The following GPR39 variants were observed in gnomAD, a reference collection of about 807,000 sequenced individuals.
GPR39 encodes zinc sensing receptor.
Under a neutral mutation model 18.4 loss-of-function variants are expected in GPR39, and 23 were observed. That is an observed-to-expected ratio of 1.25 (90% CI 0.90 to 1.77). The LOEUF is 1.77. GPR39 is among the 40% of genes most tolerant of loss of function. GPR39 has a pLI of 0.00. For synonymous variants in GPR39, 280 were observed against 257.9 expected, an observed-to-expected ratio of 1.09 and a Z score of -0.82; for missense variants, 647 against 602.4, an observed-to-expected ratio of 1.07 and a Z score of -0.78.
intron 1 of GPR39, among the ~76,000 whole-genome samples, chr2:132,638,452 G>A (rs567665457): frequency 6.6e-6 from 1 of 152,330 alleles, no homozygotes; most frequent in Admixed American, 6.5e-5. Context: ...CACCCTCAGA[G>A]TCTCTGATTC....
chr2:132,493,905 G>A (rs565348511), intron 1 of GPR39, among the ~76,000 whole-genome samples: 1 of 152,070 alleles, frequency 6.6e-6, no homozygotes, highest in South Asian at 2.1e-4. Context: ...AGAGAAGGTG[G>A]GAATTCCAAG....
At chr2:132,425,046 C>T (rs568121669) in intron 1 of GPR39, among the ~76,000 whole-genome samples, 1 of 152,320 alleles carries the variant, frequency 6.6e-6, no homozygotes, top group South Asian at 2.1e-4. Context: ...CAGTAGCTCT[C>T]ACCTGTCATC....
intron 1 of GPR39, among the ~76,000 whole-genome samples, chr2:132,422,526 T>C (rs985214282): frequency 6.6e-6 from 1 of 151,380 alleles, no homozygotes; most frequent in African/African-American, 2.5e-5. Flanking sequence ...CAATCATGTT[T>C]TCATCATTAG....
chr2:132,429,825 T>A (rs1313541901), intron 1 of GPR39, among the ~76,000 whole-genome samples: 1 of 152,252 alleles, frequency 6.6e-6, no homozygotes, highest in East Asian at 1.9e-4. Flanking sequence ...GAAACTGGAA[T>A]GGGCTCTGCT....
intron 1 of GPR39, among the ~76,000 whole-genome samples, chr2:132,428,716 T>C (rs764237671): frequency 2.0e-5 from 3 of 152,244 alleles, no homozygotes; most frequent in Non-Finnish European, 4.4e-5. Flanking sequence ...TTGGGGATTC[T>C]TTAATGTCAA....
chr2:132,417,834 G>T lies in GPR39; in HGVS notation c.792G>T (p.Pro264=). ...CGCTGGCCGGGGGCACGCGGCCTCC[G>T]CAGCTGAGGAAGTCCGAGAGCGAAG... is the stretch of plus-strand genomic sequence containing the variant. ...KGSLAGGTRP[P]QLRKSESEES... The change falls in exon 1 of 2, where the codon CCG becomes CCT. Residue 264 remains proline, a synonymous_variant. Transcript: ENST00000329321. The T allele has an allele frequency of 6.2e-7, 1 of 1,613,262 alleles. No individual in the cohort carries two copies. The highest frequency in any genetic ancestry group is 1.3e-5 in the African/African-American group (1 of 75,036).
intron 1 of GPR39, among the ~76,000 whole-genome samples, chr2:132,610,796 A>AAAG (rs1277461905): frequency 4.7e-5 from 7 of 149,606 alleles, no homozygotes; most frequent in African/African-American, 1.7e-4. Context: ...AAAAAAAAAA[A>AAAG]AAGAAGAAGA....
chr2:132,642,680 TA>T (rs1681877092), intron 1 of GPR39, among the ~76,000 whole-genome samples: 2 of 152,248 alleles, frequency 1.3e-5, no homozygotes, highest in Admixed American at 6.5e-5. Context: ...CTGTTGGCTT[TA>T]AAAGCTGTGC....
chr2:132,518,853 A>C (rs1218442011), intron 1 of GPR39, among the ~76,000 whole-genome samples: 2 of 152,236 alleles, frequency 1.3e-5, no homozygotes, highest in African/African-American at 4.8e-5. Flanking sequence ...GTAAGTCTTC[A>C]AAATCCAGCG....
At chr2:132,492,898 C>CAT (rs1278416865) in intron 1 of GPR39, among the ~76,000 whole-genome samples, 5 of 133,664 alleles carry the variant, frequency 3.7e-5, no homozygotes, top group African/African-American at 1.4e-4. Flanking sequence ...ATATATATAC[C>CAT]ATATATATAC....
At chr2:132,493,252 CACCATATATAT>C (rs761040502) in intron 1 of GPR39, among the ~76,000 whole-genome samples, 18 of 143,408 alleles carry the variant, frequency 1.3e-4, no homozygotes, top group Non-Finnish European at 2.6e-4. Context: ...ACCATATATA[CACCATATATAT>C]ACCATATATG....
intron 1 of GPR39, among the ~76,000 whole-genome samples, chr2:132,493,197 A>G (rs536571942): frequency 1.5e-4 from 20 of 137,794 alleles, no homozygotes; most frequent in Admixed American, 4.3e-4. Flanking sequence ...TATATACACC[A>G]TATATACACC....
chr2:132,526,024 G>C (rs1679501328), intron 1 of GPR39, among the ~76,000 whole-genome samples: 1 of 152,178 alleles, frequency 6.6e-6, no homozygotes, highest in South Asian at 2.1e-4. Context: ...AAAAAGGTCT[G>C]TGATCCCAGA....
intron 1 of GPR39, among the ~76,000 whole-genome samples, chr2:132,611,123 C>T (rs1318050878): frequency 6.6e-6 from 1 of 152,202 alleles, no homozygotes; most frequent in South Asian, 2.1e-4. Context: ...CCAACTTCCC[C>T]GTGTTCTGAG....
At chr2:132,595,694 C>T (rs1036275588) in intron 1 of GPR39, among the ~76,000 whole-genome samples, 1 of 152,134 alleles carries the variant, frequency 6.6e-6, no homozygotes, top group African/African-American at 2.4e-5. Flanking sequence ...ATTTACCCTT[C>T]ATTCTGGCTC....
intron 1 of GPR39, among the ~76,000 whole-genome samples, chr2:132,554,354 A>T (rs1030644339): frequency 5.3e-5 from 8 of 152,230 alleles, no homozygotes; most frequent in African/African-American, 1.9e-4. Flanking sequence ...GATTACAAAC[A>T]TCATGGGCTC....
chr2:132,564,001 C>T (rs1482358316), intron 1 of GPR39, among the ~76,000 whole-genome samples: 1 of 152,190 alleles, frequency 6.6e-6, no homozygotes, highest in African/African-American at 2.4e-5. Flanking sequence ...TACAGCAAAG[C>T]CTTGAAACCA....
chr2:132,432,016 T>A (rs775764778), intron 1 of GPR39, among the ~76,000 whole-genome samples: 1 of 152,186 alleles, frequency 6.6e-6, no homozygotes, highest in Non-Finnish European at 1.5e-5. Flanking sequence ...TGGTGTTCCT[T>A]GGCTTGTGGT....
chr2:132,572,552 A>C (rs533132895), intron 1 of GPR39, among the ~76,000 whole-genome samples: 2 of 151,838 alleles, frequency 1.3e-5, no homozygotes, highest in East Asian at 1.9e-4. Context: ...AAAAAAAAAA[A>C]ACCTCATTCT....
Sources: allele counts gnomAD v4.1 joint callset (sites outside exome capture counted in the v4.1 genomes callset), GRCh38; gene constraint gnomAD v4.1.1; transcripts MANE v1.5; gene names NCBI Gene and HGNC (gene_info 2026-07-23, HGNC 2026-07-21).